Variants in ANKRD17 observed in about 807,000 individuals in gnomAD.
ANKRD17 encodes the protein ankyrin repeat domain-containing protein 17.
Under a neutral mutation model 229.7 loss-of-function variants are expected in ANKRD17, and 19 were observed. The ratio of observed to expected loss-of-function variants is 0.08; its 90% confidence interval spans 0.06 to 0.12. The LOEUF (loss-of-function observed/expected upper bound fraction) is 0.12. ANKRD17 is among the 10% of genes least tolerant of loss of function. ANKRD17 has a pLI of 1.00. For synonymous variants in ANKRD17, 1,112 were observed against 1,146.1 expected (o/e 0.97, Z 0.60); for missense variants, 2,176 against 3,176.8 (o/e 0.68, Z 7.57).
At position 73,098,476 on chromosome 4, in the gene ANKRD17, T is replaced by C. The variant is rs748807116; in HGVS notation, c.4618A>G (p.Thr1540Ala). ...CAGGTTGCAGATATACCTATGGTAG[T>C]AGTGGTTGTGGCACTTGGAGGTTCT... ...LTEPPSATTT[T>A]TIGISATWTT... is the part of the protein sequence containing the mutation. The change falls in exon 26 of 34, where the codon ACT becomes GCT. Residue 1540 changes from threonine (T) to alanine (A), a missense_variant. By Grantham distance (58) the Thr-to-Ala change is moderately conservative (BLOSUM62 0). Around this residue, in one of 18 missense-constraint regions of ANKRD17, gnomAD observed 105 missense variants for 118.3 expected, o/e 0.89. Transcript: ENST00000358602. 6 of 1,613,966 alleles carry C rather than the reference T, an allele frequency of 3.7e-6. No homozygotes were observed. Among genetic ancestry groups the C allele is most frequent in the Non-Finnish European group, 4.2e-6 (5 of 1,180,002 alleles).
intron 16 of ANKRD17, among the ~76,000 whole-genome samples, chr4:73,133,963 G>A (rs2148776566): frequency 6.6e-6 from 1 of 152,298 alleles, no homozygotes; most frequent in South Asian, 2.1e-4. Context: ...GTCTTCTTCA[G>A]GGAGATGGAT....
chr4:73,119,234 A>G (rs953788569), intron 21 of ANKRD17, among the ~76,000 whole-genome samples: 7 of 152,190 alleles, frequency 4.6e-5, no homozygotes, highest in African/African-American at 1.7e-4. Flanking sequence ...AAAATCAACT[A>G]TCAACATGTG....
At chr4:73,184,785 T>C (rs1736074392) in intron 1 of ANKRD17, among the ~76,000 whole-genome samples, 2 of 152,154 alleles carry the variant, frequency 1.3e-5, no homozygotes, top group Non-Finnish European at 2.9e-5. Flanking sequence ...AAACAGATAC[T>C]AATACAGTGA....
At chr4:73,152,192 T>A (rs1415934623) in intron 6 of ANKRD17, among the ~76,000 whole-genome samples, 2 of 152,036 alleles carry the variant, frequency 1.3e-5, no homozygotes, top group Non-Finnish European at 2.9e-5. Context: ...AATAGAAAAA[T>A]TATTTAATTT....
chr4:73,214,144 T>C (rs932513519), intron 1 of ANKRD17, among the ~76,000 whole-genome samples: 4 of 152,224 alleles, frequency 2.6e-5, no homozygotes, highest in African/African-American at 9.6e-5. Flanking sequence ...AATATTCAAA[T>C]TCCCACACAG....
Position 73,155,861 on chromosome 4 carries a change from T to C in ANKRD17, c.853-83A>G, listed in dbSNP as rs772906984. The C allele has an allele frequency of 8.5e-5, 128 of 1,507,900 alleles. 1 individual carries two copies. The highest frequency in any genetic ancestry group is 1.1e-4 in the Non-Finnish European group (117 of 1,110,108). 93.4% of individuals were successfully genotyped at this position (1,507,900 alleles called of 1,614,324 possible). ...AACACGTATTTATATAACGTCTACC[T>C]AGTCATAGTAAAAGAGCTATAAGCA... On this transcript the variant is annotated intron_variant, in intron 4 of 33. Coordinates refer to ENST00000358602, the MANE Select transcript of ANKRD17 (RefSeq NM_032217.5).
intron 1 of ANKRD17, among the ~76,000 whole-genome samples, chr4:73,226,539 G>T (rs954299963): frequency 1.5e-4 from 22 of 151,046 alleles, no homozygotes; most frequent in African/African-American, 4.9e-4. Flanking sequence ...GATTACAGGC[G>T]CCTGCCACCA....
At chr4:73,211,105 T>G (rs1740189954) in intron 1 of ANKRD17, among the ~76,000 whole-genome samples, 1 of 152,066 alleles carries the variant, frequency 6.6e-6, no homozygotes, top group Non-Finnish European at 1.5e-5. Flanking sequence ...TCGCTAAAAA[T>G]TAACCATATA....
At chr4:73,250,686 T>C (rs547243996) in intron 1 of ANKRD17, among the ~76,000 whole-genome samples, 59 of 145,892 alleles carry the variant, frequency 4.0e-4, no homozygotes, top group South Asian at 1.1e-3. Context: ...ACTGTAACGG[T>C]TTTTGTTGTT....
chr4:73,175,305 C>A (rs887066025), intron 2 of ANKRD17, among the ~76,000 whole-genome samples: 2 of 152,028 alleles, frequency 1.3e-5, no homozygotes, highest in Non-Finnish European at 2.9e-5. Context: ...TTGTGAGAAC[C>A]CATTCACTAT....
At chr4:73,215,410 C>T (rs967743284) in intron 1 of ANKRD17, among the ~76,000 whole-genome samples, 1 of 152,082 alleles carries the variant, frequency 6.6e-6, no homozygotes, top group Admixed American at 6.5e-5. Context: ...CAGGCGCATG[C>T]CACTACACCC....
chr4:73,244,936 G>A (rs1053446434), intron 1 of ANKRD17, among the ~76,000 whole-genome samples: 6 of 152,096 alleles, frequency 3.9e-5, no homozygotes, highest in Admixed American at 2.0e-4. Flanking sequence ...AGAAAAACTC[G>A]AAATATGGTG....
At chr4:73,118,913 G>GCAAGACCCTGTA in intron 21 of ANKRD17, 63 bp from the exon 22 acceptor site, 4 of 1,445,028 alleles carry the variant, frequency 2.8e-6, no homozygotes, top group Non-Finnish European at 3.7e-6. Flanking sequence ...TTGATACAGG[G>GCAAGACCCTGTA]TCTTGCTCTG....
At chr4:73,115,774 T>A in intron 23 of ANKRD17, 47 bp downstream of exon 23, 1 of 1,423,602 alleles carries the variant, frequency 7.0e-7, no homozygotes, top group Admixed American at 1.7e-5. Context: ...ATGGAAGATA[T>A]ATTAACCGAA....
At chr4:73,232,722 A>AC (rs1032418731) in intron 1 of ANKRD17, among the ~76,000 whole-genome samples, 111 of 151,186 alleles carry the variant, frequency 7.3e-4, no homozygotes, top group Admixed American at 1.1e-3. Context: ...TGTCTGCAAT[A>AC]CCCCCCCTTT....
intron 2 of ANKRD17, among the ~76,000 whole-genome samples, chr4:73,174,816 T>C (rs964284685): frequency 6.6e-5 from 10 of 152,136 alleles, no homozygotes; most frequent in African/African-American, 1.7e-4. Context: ...ACTAATGCCA[T>C]TTACAATAGC....
Position 73,091,598 on chromosome 4 carries a change from T to G in ANKRD17, c.6030A>C (p.Thr2010=), listed in dbSNP as rs1183601510. The G allele has an allele frequency of 4.3e-6, 7 of 1,614,086 alleles. No homozygotes were observed. Among genetic ancestry groups the G allele is most frequent in the African/African-American group, 1.3e-5 (1 of 74,926 alleles). The change falls in exon 29 of 34, where the codon ACA becomes ACC. Residue 2010 remains threonine (T), a synonymous_variant. Transcript: ENST00000358602. ...VTVVKTSNAT[T]TTVTTTASNN... ...TGCTTGCCGTGGTTGTGACTGTTGT[T>G]GTGGTGGCATTGGATGTCTTCACAA...
At chr4:73,234,114 A>G (rs2149247062) in intron 1 of ANKRD17, among the ~76,000 whole-genome samples, 1 of 152,098 alleles carries the variant, frequency 6.6e-6, no homozygotes, top group East Asian at 1.9e-4. Context: ...ACTGTGATAT[A>G]TTTTCCATGC....
intron 16 of ANKRD17, among the ~76,000 whole-genome samples, chr4:73,133,678 G>A (rs1406520080): frequency 2.0e-5 from 3 of 152,052 alleles, no homozygotes; most frequent in Admixed American, 2.0e-4. Flanking sequence ...ACAGGCGTGA[G>A]CCACCACGCC....
Sources: gnomAD v4.1 joint callset for allele counts (sites outside exome capture counted in the v4.1 genomes callset) on GRCh38, gnomAD v4.1.1 for gene constraint, gnomAD v4.1.1 regional missense constraint, MANE v1.5 for transcripts, NCBI Gene and HGNC (gene_info 2026-07-23, HGNC 2026-07-21) for gene names.